MORN1: variants seen among roughly 807,000 people sequenced by gnomAD.
MORN1 encodes the protein MORN repeat containing 1.
MORN1 carries 67 observed loss-of-function variants against 61.9 expected under a neutral mutation model. The observed-to-expected ratio is 1.08, with a 90% CI of 0.89 to 1.33. The LOEUF is 1.33. Among genes scored for constraint, MORN1 ranks in the 40% most tolerant of loss-of-function variants. The pLI is 0.00. For missense variants in MORN1, 752 were observed against 691.2 expected, an observed-to-expected ratio of 1.09 and a Z score of -0.99; for synonymous variants, 301 against 292.0, an observed-to-expected ratio of 1.03 and a Z score of -0.31.
At chr1:2,322,660 C>A in intron 13 of MORN1, 4 of 985,466 alleles carry the variant, frequency 4.1e-6, no homozygotes, top group Non-Finnish European at 4.8e-6. Context: ...GCCTCCCTGG[C>A]GGGCGGAGGA....
intron 6 of MORN1, among the ~76,000 whole-genome samples, chr1:2,379,991 C>A (rs1642334331): frequency 6.6e-6 from 1 of 152,206 alleles, no homozygotes; most frequent in Non-Finnish European, 1.5e-5. Flanking sequence ...AGTCCACCCA[C>A]AGATGGGCAG....
At chr1:2,387,315 A>T (rs1021685494) in intron 4 of MORN1, 104 bp downstream of exon 4, 9 of 836,622 alleles carry the variant, frequency 1.1e-5, no homozygotes, top group Non-Finnish European at 1.8e-5. Context: ...AACCCTCTGA[A>T]GTCAGGCAGG....
intron 10 of MORN1, among the ~76,000 whole-genome samples, chr1:2,341,552 G>A (rs1410001791): frequency 1.3e-5 from 2 of 152,130 alleles, no homozygotes; most frequent in South Asian, 4.1e-4. Flanking sequence ...TTAGCCAGGT[G>A]TGGTGGCAGG....
chr1:2,335,846 C>T (rs1435463980), intron 12 of MORN1, among the ~76,000 whole-genome samples: 6 of 149,930 alleles, frequency 4.0e-5, no homozygotes, highest in Admixed American at 6.6e-5. Flanking sequence ...CCCAGCCCAG[C>T]GCGCAGCTGC....
chr1:2,338,536 G>A (rs546421969), intron 10 of MORN1, among the ~76,000 whole-genome samples: 15 of 152,156 alleles, frequency 9.9e-5, no homozygotes, highest in Admixed American at 7.2e-4. Flanking sequence ...CCTCACCCTC[G>A]GCAAGGTGAC....
chr1:2,355,068 TGGGGCCGGCGCGG>T, intron 10 of MORN1: 1 of 734,162 alleles, frequency 1.4e-6, no homozygotes, highest in Non-Finnish European at 1.7e-6. Flanking sequence ...ACTCAGGCAG[TGGGGCCGGCGCGG>T]GGGGCCCGCG....
At chr1:2,373,073 CG>C (rs1489536655) in intron 7 of MORN1, among the ~76,000 whole-genome samples, 2 of 152,244 alleles carry the variant, frequency 1.3e-5, no homozygotes, top group African/African-American at 2.4e-5. Flanking sequence ...CCTGCTCCAC[CG>C]GGGCCTGCAG....
intron 6 of MORN1, chr1:2,376,822 C>T (rs1057159579): frequency 2.0e-5 from 3 of 152,118 alleles, no homozygotes; most frequent in Admixed American, 6.5e-5. Flanking sequence ...TCCAATAGCC[C>T]GGTCTTGTCT....
Position 2,378,612 on chromosome 1 carries a change from A to G in MORN1, c.538-4055T>C, listed in dbSNP as rs569226336. The G allele has an allele frequency of 3.7e-5, 10 of 273,826 alleles. No individual in the cohort carries two copies. The East Asian group carries it at 9.8e-4, about 27-fold the overall frequency. The allele number at this position is 273,826 out of a possible 1,614,324, so 17.0% of individuals were successfully genotyped here. ...AAAGCTGGCGTGTGAGACAGCCAAC[A>G]CTCACGGCGCAGCTGATACAGCCAG... On this transcript the variant is annotated intron_variant, in intron 6 of 13. Coordinates refer to ENST00000378531, the MANE Select transcript of MORN1 (RefSeq NM_024848.3).
At chr1:2,335,828 T>TAGCCCAGCGCAGCCCAGCGC (rs1553208712) in intron 12 of MORN1, among the ~76,000 whole-genome samples, 1 of 143,014 alleles carries the variant, frequency 7.0e-6, no homozygotes, top group African/African-American at 3.0e-5. Context: ...CTCGCCTCCA[T>TAGCCCAGCGCAGCCCAGCGC]AGCCCAGCCC....
intron 12 of MORN1, among the ~76,000 whole-genome samples, chr1:2,326,897 A>T (rs1641037583): frequency 1.3e-5 from 2 of 152,322 alleles, no homozygotes; most frequent in African/African-American, 4.8e-5. Flanking sequence ...CCCGGGCCTC[A>T]CCCAGGGTCT....
Position 2,358,608 on chromosome 1 carries a change from G to A in MORN1, c.853C>T (p.Leu285Phe), listed in dbSNP as rs1641827206. 1.2e-6 allele frequency: 2 copies of A among 1,614,128 alleles called. No individual in the cohort carries two copies. The highest frequency in any genetic ancestry group is 1.7e-6 in the Non-Finnish European group (2 of 1,179,990). ...CGTACTCACAATGGGGTCTGGATGA[G>A]TGTCTCTTGGTTGTCTCTGTCCACT... ...FKVDRDNQET[L>F]IQTPFGFECI... Residue 285 changes from leucine (L) to phenylalanine (F), a missense_variant, in exon 9 of 14, where the codon CTC becomes TTC. Leu to Phe is a conservative substitution (Grantham distance 22). Coordinates refer to ENST00000378531, the MANE Select transcript of MORN1 (RefSeq NM_024848.3).
intron 3 of MORN1, 93 bp from the exon 4 acceptor site, chr1:2,387,622 G>A: frequency 1.2e-6 from 1 of 866,334 alleles, no homozygotes; most frequent in Non-Finnish European, 1.9e-6. Flanking sequence ...ATGACACGCA[G>A]GAACCATTCC....
At chr1:2,342,891 AT>A (rs527649537) in intron 10 of MORN1, among the ~76,000 whole-genome samples, 63 of 130,884 alleles carry the variant, frequency 4.8e-4, no homozygotes, top group African/African-American at 1.8e-3. Flanking sequence ...ATTTTATTTT[AT>A]TTTATTTTAT....
chr1:2,322,600 AC>A, intron 13 of MORN1: 1 of 985,050 alleles, frequency 1.0e-6, no homozygotes, highest in Non-Finnish European at 1.2e-6. Context: ...AGGGGGACAC[AC>A]GTTCTGCAAC....
intron 3 of MORN1, chr1:2,387,849 G>A (rs1642542529): frequency 4.6e-6 from 2 of 432,292 alleles, no homozygotes; most frequent in Non-Finnish European, 8.4e-6. Context: ...AGCCAAGCCT[G>A]AGAGAAAACA....
At chr1:2,324,421 G>C (rs1016321504) in intron 12 of MORN1, among the ~76,000 whole-genome samples, 3 of 152,184 alleles carry the variant, frequency 2.0e-5, no homozygotes, top group Admixed American at 6.5e-5. Flanking sequence ...GAGTGGGACC[G>C]ACCACCCCAT....
At position 2,369,633 on chromosome 1, in the gene MORN1, C is replaced by T. The variant is rs577204275; in HGVS notation, c.745+2848G>A. Among the ~76,000 whole-genome samples, 42 of 152,098 alleles carry T rather than the reference C, an allele frequency of 2.8e-4. No homozygotes were observed. The South Asian group carries it at 4.4e-3, about 16-fold the overall frequency. ...ATATGTAAAAATCAATTGTAGTCTA[C>T]GGCAACCTCTGAAATGAAGTTAAGA... On this transcript the variant is annotated intron_variant, in intron 8 of 13. Transcript: ENST00000378531.
chr1:2,383,717 AG>A (rs1242508996), intron 6 of MORN1, among the ~76,000 whole-genome samples: 4 of 84,878 alleles, frequency 4.7e-5, no homozygotes, highest in Non-Finnish European at 1.3e-4. Context: ...CTGGACGCTC[AG>A]GGGGCCCCTC....
Sources: gnomAD v4.1 joint callset for allele counts (sites outside exome capture counted in the v4.1 genomes callset) on GRCh38, gnomAD v4.1.1 for gene constraint, MANE v1.5 for transcripts, NCBI Gene and HGNC (gene_info 2026-07-23, HGNC 2026-07-21) for gene names.